IFT56: variants seen among roughly 807,000 people sequenced by gnomAD.
IFT56 encodes intraflagellar transport 56.
At chr7:139,187,079 C>T in the IFT56 span, among the ~76,000 whole-genome samples, 1 of 124,530 alleles carries the variant, frequency 8.0e-6, no homozygotes. Flanking sequence ...CCGGCCTGGG[C>T]GACAGAGCGA....
the IFT56 span, chr7:139,168,632 A>G: frequency 2.2e-6 from 1 of 459,172 alleles, no homozygotes; most frequent in Admixed American, 3.3e-5. Context: ...AAAAGGGTCC[A>G]ATTTTTAAAT....
chr7:139,145,075 C>T, the IFT56 span, among the ~76,000 whole-genome samples: 1 of 152,128 alleles, frequency 6.6e-6, no homozygotes, highest in East Asian at 1.9e-4. Flanking sequence ...TTACTTCTGG[C>T]AGGCACATAG....
At chr7:139,165,218 T>C in the IFT56 span, 27 of 1,613,026 alleles carry the variant, frequency 1.7e-5, no homozygotes, top group Admixed American at 5.0e-5. Flanking sequence ...ACTTGGTGAT[T>C]TACTACCTTC....
chr7:139,173,953 A>G, the IFT56 span: 1 of 678,386 alleles, frequency 1.5e-6, no homozygotes, highest in Non-Finnish European at 2.8e-6. Context: ...CTTATTCTTC[A>G]TCCTTTGCTG....
chr7:139,168,592 A>C, the IFT56 span: 35 of 579,898 alleles, frequency 6.0e-5, no homozygotes, highest in Middle Eastern at 7.8e-4. Context: ...CAAAAAAAAA[A>C]CTTGTAACCC....
chr7:139,156,440 T>C, the IFT56 span, among the ~76,000 whole-genome samples: 1 of 151,978 alleles, frequency 6.6e-6, no homozygotes, highest in Non-Finnish European at 1.5e-5. Context: ...TATTTTCTTT[T>C]TTAAATATAG....
the IFT56 span, among the ~76,000 whole-genome samples, chr7:139,176,244 A>C: frequency 6.6e-6 from 1 of 152,286 alleles, no homozygotes; most frequent in African/African-American, 2.4e-5. Context: ...TAAATGCTTG[A>C]TGTGATGCAT....
chr7:139,144,149 T>C, the IFT56 span, among the ~76,000 whole-genome samples: 27 of 152,152 alleles, frequency 1.8e-4, no homozygotes, highest in African/African-American at 6.5e-4. Flanking sequence ...TCATTTTCCA[T>C]TTGAGGAATT....
the IFT56 span, chr7:139,137,891 G>A: frequency 6.2e-7 from 1 of 1,613,580 alleles, no homozygotes; most frequent in Non-Finnish European, 8.5e-7. Flanking sequence ...CTAATTTGTG[G>A]ATTGGATATT....
chr7:139,146,782 A>AT, the IFT56 span, among the ~76,000 whole-genome samples: 1 of 151,646 alleles, frequency 6.6e-6, no homozygotes, highest in Non-Finnish European at 1.5e-5. Flanking sequence ...AAAAAAAAAA[A>AT]AAGAAGAAAG....
chr7:139,167,045 T>C, the IFT56 span: 2 of 493,628 alleles, frequency 4.1e-6, no homozygotes, highest in Non-Finnish European at 7.5e-6. Context: ...TCAGGAATGT[T>C]ATATGCGACT....
At chr7:139,168,569 CA>C in the IFT56 span, 86,597 of 368,090 alleles carry the variant, frequency 0.24, 8,102 homozygotes, top group African/African-American at 0.57. Flanking sequence ...TATTTAGAGA[CA>C]AAAAAAAAAA....
chr7:139,172,940 T>C, the IFT56 span: 2 of 724,324 alleles, frequency 2.8e-6, no homozygotes, highest in Non-Finnish European at 5.2e-6. Context: ...TTGGTTATAC[T>C]GGCGGATGTG....
chr7:139,142,182 A>T, the IFT56 span: 1 of 1,460,250 alleles, frequency 6.8e-7, no homozygotes, highest in Non-Finnish European at 9.6e-7. Context: ...GATTCATCCG[A>T]GTCTCATTTC....
chr7:139,170,518 A>G, the IFT56 span, among the ~76,000 whole-genome samples: 1 of 152,232 alleles, frequency 6.6e-6, no homozygotes, highest in African/African-American at 2.4e-5. Context: ...TGACCAACTG[A>G]GATTTATCCC....
the IFT56 span, among the ~76,000 whole-genome samples, chr7:139,145,965 C>G: frequency 6.6e-6 from 1 of 152,084 alleles, no homozygotes; most frequent in East Asian, 1.9e-4. Context: ...AGAGCTAACA[C>G]TGTAATATTT....
At chr7:139,155,941 T>G in the IFT56 span, among the ~76,000 whole-genome samples, 1 of 152,154 alleles carries the variant, frequency 6.6e-6, no homozygotes, top group Non-Finnish European at 1.5e-5. Flanking sequence ...TAATCCAATT[T>G]ATTTAGGGAT....
At chr7:139,174,377 C>T in the IFT56 span, 2 of 464,294 alleles carry the variant, frequency 4.3e-6, no homozygotes, top group South Asian at 1.7e-5. Context: ...CCTCCACTGG[C>T]GGCCCGCGTT....
the IFT56 span, among the ~76,000 whole-genome samples, chr7:139,145,454 ACT>A: frequency 6.6e-6 from 1 of 151,032 alleles, no homozygotes; most frequent in African/African-American, 2.4e-5. Flanking sequence ...ACAGGATATC[ACT>A]CCCCGTCACC....
Sources: allele counts gnomAD v4.1 joint callset (sites outside exome capture counted in the v4.1 genomes callset), GRCh38; gene constraint gnomAD v4.1.1; transcripts MANE v1.5; gene names NCBI Gene and HGNC (gene_info 2026-07-23, HGNC 2026-07-21).